RHOBTB1: variants seen among roughly 807,000 people sequenced by gnomAD.
RHOBTB1 encodes the protein Rho related BTB domain containing 1.
Under a neutral mutation model 71.6 loss-of-function variants are expected in RHOBTB1, and 40 were observed. The ratio of observed to expected loss-of-function variants is 0.56; its 90% CI spans 0.43 to 0.73. The LOEUF (loss-of-function observed/expected upper bound fraction) is 0.73, where lower values mean the gene tolerates loss of function less well. RHOBTB1 is among the 30% of genes least tolerant of loss of function. RHOBTB1 has a pLI of 0.00. For missense variants in RHOBTB1, 797 were observed against 894.0 expected, an observed-to-expected ratio of 0.89 and a Z score of 1.38; for synonymous variants, 319 against 334.9, an observed-to-expected ratio of 0.95 and a Z score of 0.52.
Position 60,910,851 on chromosome 10 carries a change from T to C in RHOBTB1, c.296+36A>G, listed in dbSNP as rs757857926. ...TGCTGGTTTTGAAAAGGAAATTGCA[T>C]TCAAGCTCAACCACGCTGTACTAGT... On this transcript the variant is annotated intron_variant, in intron 4 of 10. Transcript: ENST00000337910. 3.3e-6 allele frequency: 5 copies of C among 1,511,544 alleles called. No homozygotes were observed. In the South Asian group the frequency reaches 4.5e-5, roughly 14 times the overall value. The allele number at this position is 1,511,544 out of a possible 1,614,324, so 93.6% of individuals were successfully genotyped here. A position where few individuals can be genotyped will look rare whatever the true frequency, so the allele number is the denominator to read the frequency against.
intron 4 of RHOBTB1, among the ~76,000 whole-genome samples, chr10:60,902,799 T>C (rs922175424): frequency 4.6e-5 from 7 of 152,194 alleles, no homozygotes; most frequent in Non-Finnish European, 1.0e-4. Context: ...GTAAAATAAT[T>C]TGGCATTTGT....
At chr10:60,968,270 G>A (rs1156762886) in intron 2 of RHOBTB1, among the ~76,000 whole-genome samples, 1 of 152,124 alleles carries the variant, frequency 6.6e-6, no homozygotes, top group Admixed American at 6.6e-5. Context: ...GACATGGAAG[G>A]GTGGTAAGTG....
rs777657721 is a variant in RHOBTB1, at chr10:60,871,667, T to C, written c.1922-16A>G. 3.7e-6 allele frequency: 6 copies of C among 1,611,926 alleles called. No individual in the cohort carries two copies. Among genetic ancestry groups the C allele is most frequent in the South Asian group, 3.3e-5 (3 of 90,800 alleles). ...TCCTGGTTGTCTGGTGAAGGAAAGA[T>C]GCAGACCATAAGACCTGCGGTTCAT... is the stretch of plus-strand genomic sequence containing the variant. On this transcript the variant is annotated splice_polypyrimidine_tract_variant and intron_variant, in intron 10 of 10. Coordinates refer to ENST00000337910, the MANE Select transcript of RHOBTB1 (RefSeq NM_014836.5).
At chr10:60,927,750 C>T (rs1400381508) in intron 2 of RHOBTB1, among the ~76,000 whole-genome samples, 4 of 152,128 alleles carry the variant, frequency 2.6e-5, no homozygotes, top group South Asian at 2.1e-4. Context: ...AGACCTCAAA[C>T]GATGAAACGA....
downstream of RHOBTB1, among the ~76,000 whole-genome samples, chr10:60,865,891 G>A (rs112889104): frequency 0.046 from 6,998 of 152,190 alleles, 294 homozygotes; most frequent in African/African-American, 0.12. Context: ...GAGTGCAGTG[G>A]TGTTATCTCG....
intron 2 of RHOBTB1, among the ~76,000 whole-genome samples, chr10:60,984,359 G>A (rs1466448557): frequency 2.0e-5 from 3 of 152,132 alleles, no homozygotes; most frequent in Non-Finnish European, 4.4e-5. Context: ...CTAAAATATT[G>A]AAAGGATTTT....
chr10:61,001,125 C>T (rs2087251965), intron 1 of RHOBTB1, among the ~76,000 whole-genome samples: 1 of 152,034 alleles, frequency 6.6e-6, no homozygotes, highest in African/African-American at 2.4e-5. Flanking sequence ...TAGGAGGCTG[C>T]TCAAGACACC....
At chr10:60,906,168 C>A (rs1589255870) in intron 4 of RHOBTB1, among the ~76,000 whole-genome samples, 2 of 152,254 alleles carry the variant, frequency 1.3e-5, no homozygotes, top group East Asian at 1.9e-4. Context: ...GGGATAAGGG[C>A]AAGTACAGTG....
At chr10:60,947,730 TGAAG>T (rs968050955), upstream of RHOBTB1, among the ~76,000 whole-genome samples, 6 of 152,210 alleles carry the variant, frequency 3.9e-5, no homozygotes, top group Non-Finnish European at 5.9e-5. Flanking sequence ...ATTCACCCAC[TGAAG>T]GATATTTGAG....
chr10:60,980,091 T>C (rs1411530160), intron 2 of RHOBTB1, among the ~76,000 whole-genome samples: 1 of 152,174 alleles, frequency 6.6e-6, no homozygotes, highest in Non-Finnish European at 1.5e-5. Context: ...ATATGATTTA[T>C]ACTTTATTGA....
Position 60,888,234 on chromosome 10 carries a change from A to G in RHOBTB1, c.1434T>C (p.Cys478=). The G allele has an allele frequency of 6.2e-7, 1 of 1,613,582 alleles. No homozygotes were observed. The highest frequency in any genetic ancestry group is 8.5e-7 in the Non-Finnish European group (1 of 1,179,766). The change falls in exon 6 of 11, where the codon TGT becomes TGC. Residue 478 remains cysteine, a synonymous_variant. Coordinates refer to ENST00000337910, the MANE Select transcript of RHOBTB1 (RefSeq NM_014836.5). ...CACCCGAGAACGTTCCCTTGCTGAG[A>G]CACTCTTTTATCCGATTGGCTTTCC... ...HVRKANRIKE[C]LSKGTFSDVT...
At chr10:60,993,509 G>A (rs1178093710) in intron 1 of RHOBTB1, among the ~76,000 whole-genome samples, 1 of 151,862 alleles carries the variant, frequency 6.6e-6, no homozygotes, top group Non-Finnish European at 1.5e-5. Flanking sequence ...TTTCTCCTTT[G>A]CATTGCCTGC....
intron 7 of RHOBTB1, among the ~76,000 whole-genome samples, chr10:60,883,729 C>A (rs913399924): frequency 2.0e-5 from 3 of 152,182 alleles, no homozygotes; most frequent in Non-Finnish European, 2.9e-5. Flanking sequence ...ATAAGTCCAG[C>A]GGCAGCTACT....
chr10:60,888,772 T>C lies in RHOBTB1; in HGVS notation c.896A>G (p.Glu299Gly). 4 of 1,614,192 alleles carry C rather than the reference T, an allele frequency of 2.5e-6. No homozygotes were observed. The highest frequency in any genetic ancestry group is 1.6e-4 in the Middle Eastern group (1 of 6,062). Reference protein sequence around the residue: ...SSKFYDLFLMECEESPNGSEG... With the variant: ...SSKFYDLFLMGCEESPNGSEG... ...ACTCCCATTTGGGGATTCTTCACAT[T>C]CCATTAAAAACAGATCATAAAATTT... is the stretch of plus-strand genomic sequence containing the variant. Residue 299 changes from glutamate to glycine, a missense_variant, in exon 6 of 11, where the codon GAA (glutamate) becomes GGA (glycine). Coordinates refer to ENST00000337910, the MANE Select transcript of RHOBTB1 (RefSeq NM_014836.5).
chr10:60,955,065 G>C (rs1272220913), intron 2 of RHOBTB1, among the ~76,000 whole-genome samples: 9 of 41,030 alleles, frequency 2.2e-4, no homozygotes, highest in Non-Finnish European at 4.8e-4. Context: ...TTTTTTTTAA[G>C]ATGTAGTCTT....
At chr10:60,948,055 C>T (rs1474263024), upstream of RHOBTB1, among the ~76,000 whole-genome samples, 1 of 152,152 alleles carries the variant, frequency 6.6e-6, no homozygotes, top group African/African-American at 2.4e-5. Context: ...TTGCATTCCC[C>T]TAATGAATAA....
At position 60,982,057 on chromosome 10, in the gene RHOBTB1, C is replaced by T. The variant is rs151022148; in HGVS notation, c.-62+3788G>A. The stretch of plus-strand genomic sequence containing the variant: ...AAGGGCTGGGATTACAGGCATGAGC[C>T]ACTGTGGCTGGCCTGTAAGTTACTT... On this transcript the variant is annotated intron_variant, in intron 2 of 11. Transcript: ENST00000357917. 6.4e-3 allele frequency among the ~76,000 whole-genome samples: 976 copies of T among 152,294 alleles called. 13 individuals are homozygous for T. The highest frequency in any genetic ancestry group is 0.022 in the African/African-American group (919 of 41,560).
At chr10:60,891,419 C>T (rs577699949) in intron 5 of RHOBTB1, among the ~76,000 whole-genome samples, 2 of 147,072 alleles carry the variant, frequency 1.4e-5, no homozygotes, top group Admixed American at 7.0e-5. Context: ...TGGCCCACTG[C>T]AGCCTTGTCC....
rs531717080 is a variant in RHOBTB1 at position 60,952,960 on chromosome 10, C to T, written c.-61-11106G>A. On this transcript the variant is annotated intron_variant, in intron 2 of 11. Transcript: ENST00000357917. ...AAAACACAATTTGTGGGAAAACACA[C>T]AACGCAAGCTTTAGTTCATTCCTTG... is the stretch of plus-strand genomic sequence containing the variant. Among the ~76,000 whole-genome samples, 4 of 152,198 alleles carry T rather than the reference C, an allele frequency of 2.6e-5. No individual in the cohort carries two copies. In the South Asian group the frequency reaches 8.3e-4, roughly 32 times the overall value.
Sources: gnomAD v4.1 joint callset for allele counts (sites outside exome capture counted in the v4.1 genomes callset) on GRCh38, gnomAD v4.1.1 for gene constraint, MANE v1.5 for transcripts, NCBI Gene and HGNC (gene_info 2026-07-23, HGNC 2026-07-21) for gene names.